The following PCDH9 variants were observed in gnomAD, a reference collection of about 807,000 sequenced individuals.
PCDH9 encodes protocadherin 9.
Under a neutral mutation model 70.6 loss-of-function variants are expected in PCDH9, and 24 were observed. That is an observed-to-expected ratio of 0.34 (90% CI 0.25 to 0.48). The LOEUF is 0.48. PCDH9 is among the 20% of genes least tolerant of loss of function. The pLI is 0.99. For synonymous variants in PCDH9, 562 were observed against 558.5 expected (o/e 1.01, Z -0.09); for missense variants, 1,281 against 1,503.6 (o/e 0.85, Z 2.45).
intron 4 of PCDH9, among the ~76,000 whole-genome samples, chr13:66,532,683 C>G (rs186726334): frequency 0.012 from 1,846 of 152,240 alleles, 19 homozygotes; most frequent in Middle Eastern, 0.041. Flanking sequence ...GCTGGGACTA[C>G]CGGCACATGC....
At chr13:67,228,597 C>T (rs1844101178) in intron 1 of PCDH9, 22 bp from the exon 2 acceptor site, 1 of 493,266 alleles carries the variant, frequency 2.0e-6, no homozygotes, top group African/African-American at 2.0e-5. Context: ...ATTGTATAGA[C>T]AATATTATTC....
intron 2 of PCDH9, among the ~76,000 whole-genome samples, chr13:67,189,202 A>T (rs2088843001): frequency 7.2e-6 from 1 of 138,182 alleles, no homozygotes; most frequent in South Asian, 2.4e-4. Context: ...ACATATACAT[A>T]TATACGTGTG....
chr13:66,596,041 T>G (rs1425664732), intron 4 of PCDH9, among the ~76,000 whole-genome samples: 1 of 151,686 alleles, frequency 6.6e-6, no homozygotes, highest in Non-Finnish European at 1.5e-5. Flanking sequence ...AATAAGATCA[T>G]TTAACAATAA....
intron 2 of PCDH9, among the ~76,000 whole-genome samples, chr13:67,148,768 TA>T (rs1477419057): frequency 1.3e-5 from 2 of 152,230 alleles, no homozygotes; most frequent in African/African-American, 2.4e-5. Flanking sequence ...GAATGTTTCA[TA>T]TTCTTAAAGG....
At chr13:67,073,901 G>T (rs753079906) in intron 2 of PCDH9, among the ~76,000 whole-genome samples, 27 of 151,366 alleles carry the variant, frequency 1.8e-4, no homozygotes, top group Non-Finnish European at 2.9e-4. Context: ...CTCTTAAATT[G>T]CTTTAAGAGG....
intron 2 of PCDH9, among the ~76,000 whole-genome samples, chr13:67,126,979 C>T (rs1007235752): frequency 6.6e-6 from 1 of 152,166 alleles, no homozygotes; most frequent in Non-Finnish European, 1.5e-5. Flanking sequence ...ATTTTCATGG[C>T]AATCAAAATT....
chr13:66,689,044 G>C (rs2078444915), intron 3 of PCDH9, among the ~76,000 whole-genome samples: 1 of 152,114 alleles, frequency 6.6e-6, no homozygotes, highest in Non-Finnish European at 1.5e-5. Context: ...ATCAAGCACA[G>C]AAATTATGCA....
At chr13:66,652,747 C>A (rs1161580713) in intron 3 of PCDH9, among the ~76,000 whole-genome samples, 1 of 152,022 alleles carries the variant, frequency 6.6e-6, no homozygotes, top group East Asian at 1.9e-4. Context: ...CTATAGTATC[C>A]AAAATAGCAT....
chr13:66,367,492 CTAT>C (rs1466032795), intron 4 of PCDH9, among the ~76,000 whole-genome samples: 1 of 152,152 alleles, frequency 6.6e-6, no homozygotes, highest in African/African-American at 2.4e-5. Flanking sequence ...AAACCAAGAG[CTAT>C]GCTCCAGGGA....
At chr13:66,684,803 G>A (rs1296035235) in intron 3 of PCDH9, among the ~76,000 whole-genome samples, 1 of 152,126 alleles carries the variant, frequency 6.6e-6, no homozygotes, top group Non-Finnish European at 1.5e-5. Flanking sequence ...TTGAAAATGT[G>A]AAAGTGATTT....
intron 2 of PCDH9, among the ~76,000 whole-genome samples, chr13:67,147,587 G>A (rs900232079): frequency 6.6e-6 from 1 of 152,160 alleles, no homozygotes; most frequent in African/African-American, 2.4e-5. Context: ...CTTGAAAAAG[G>A]TGCCCTATCC....
chr13:66,382,483 G>C (rs1386554368), intron 4 of PCDH9, among the ~76,000 whole-genome samples: 1 of 151,808 alleles, frequency 6.6e-6, no homozygotes, highest in African/African-American at 2.4e-5. Context: ...TATTGTCCTA[G>C]CTACTAAAAA....
intron 2 of PCDH9, among the ~76,000 whole-genome samples, chr13:67,147,990 C>A (rs907100088): frequency 1.3e-5 from 2 of 152,046 alleles, no homozygotes; most frequent in African/African-American, 4.8e-5. Context: ...TAAAGCAGAC[C>A]CAGAAAGTCG....
Position 67,019,728 on chromosome 13 carries a change from T to G in PCDH9, c.3037-116123A>C, listed in dbSNP as rs57998190. On this transcript the variant is annotated intron_variant, in intron 2 of 4. Transcript: ENST00000377865. ...TCAAGCTATGGTAGACTAAGGAAAC[T>G]TCAGAGCTGACAGGGACGGGGATTA... Among the ~76,000 whole-genome samples the G allele has an allele frequency of 5.1e-3, 778 of 152,116 alleles. 3 individuals are homozygous for G. The highest frequency in any genetic ancestry group is 0.017 in the African/African-American group (723 of 41,510).
intron 4 of PCDH9, among the ~76,000 whole-genome samples, chr13:66,445,668 ATG>A (rs1454012171): frequency 4.8e-5 from 7 of 144,728 alleles, no homozygotes; most frequent in African/African-American, 1.5e-4. Flanking sequence ...GATATATATT[ATG>A]TATACACATA....
At chr13:66,582,988 A>T (rs2076913252) in intron 4 of PCDH9, among the ~76,000 whole-genome samples, 1 of 151,926 alleles carries the variant, frequency 6.6e-6, no homozygotes, top group African/African-American at 2.4e-5. Flanking sequence ...TCCTCCTTTT[A>T]TCTGAACCCC....
At position 66,837,338 on chromosome 13, in the gene PCDH9, A is replaced by G. The variant is rs983369439; in HGVS notation, c.3138+66166T>C. Among the ~76,000 whole-genome samples the G allele has an allele frequency of 9.9e-5, 15 of 152,218 alleles. 1 individual carries two copies. The Middle Eastern group carries it at 0.02, about 207-fold the overall frequency. ...GTGTTAATTCCCTTGGTCTTCATGA[A>G]GTAAGGTACTGTTAGTGGCTTCGTT... is the stretch of plus-strand genomic sequence containing the variant. On this transcript the variant is annotated intron_variant, in intron 3 of 4. Transcript: ENST00000377865.
intron 3 of PCDH9, among the ~76,000 whole-genome samples, chr13:66,824,527 G>C (rs2080776261): frequency 1.3e-5 from 2 of 148,390 alleles, no homozygotes; most frequent in South Asian, 2.1e-4. Context: ...ATGGTGGCAG[G>C]CACCTGTAAT....
chr13:66,453,413 G>A (rs1161025666), intron 4 of PCDH9, among the ~76,000 whole-genome samples: 1 of 152,094 alleles, frequency 6.6e-6, no homozygotes, highest in Non-Finnish European at 1.5e-5. Context: ...TTTTCACATA[G>A]TGATAGCCTA....
Sources: gnomAD v4.1 joint callset for allele counts (sites outside exome capture counted in the v4.1 genomes callset) on GRCh38, gnomAD v4.1.1 for gene constraint, MANE v1.5 for transcripts, NCBI Gene and HGNC (gene_info 2026-07-23, HGNC 2026-07-21) for gene names.